Variants in SCFD2 observed in about 807,000 individuals in gnomAD.
SCFD2 encodes the protein sec1 family domain containing 2.
A neutral mutation model predicts 58.9 loss-of-function variants in SCFD2; 54 were observed. That is an observed-to-expected ratio of 0.92 (90% CI 0.74 to 1.15). The LOEUF is 1.15. Ranked by LOEUF, SCFD2 falls within the 50% of genes most tolerant of loss-of-function variation. The pLI is 0.00. For synonymous variants in SCFD2, 321 were observed against 335.9 expected (o/e 0.96, Z 0.49); for missense variants, 805 against 836.6 (o/e 0.96, Z 0.47).
chr4:52,949,002 A>T (rs1330471565), intron 5 of SCFD2: 1 of 154,178 alleles, frequency 6.5e-6, no homozygotes, highest in Non-Finnish European at 1.4e-5. Context: ...GAGGAGAAGC[A>T]TAGGACAGGC....
chr4:53,127,390 T>A (rs1361041452), intron 5 of SCFD2, among the ~76,000 whole-genome samples: 1 of 152,200 alleles, frequency 6.6e-6, no homozygotes, highest in Non-Finnish European at 1.5e-5. Flanking sequence ...AAATATTTAT[T>A]AAGAGTCTTC....
intron 5 of SCFD2, among the ~76,000 whole-genome samples, chr4:53,134,602 G>A (rs145967084): frequency 3.3e-5 from 5 of 152,216 alleles, no homozygotes; most frequent in African/African-American, 9.6e-5. Flanking sequence ...ATTCCAATTC[G>A]AGTAACAGGA....
At chr4:53,225,616 T>C (rs1311833378) in intron 4 of SCFD2, among the ~76,000 whole-genome samples, 1 of 152,254 alleles carries the variant, frequency 6.6e-6, no homozygotes, top group Non-Finnish European at 1.5e-5. Flanking sequence ...TTGTGTTTTC[T>C]ATGTTATTGC....
chr4:52,877,861 G>C (rs1348699805), intron 8 of SCFD2, among the ~76,000 whole-genome samples: 1 of 152,152 alleles, frequency 6.6e-6, no homozygotes, highest in African/African-American at 2.4e-5. Context: ...CTCCCGGAGA[G>C]CATCACAGGA....
chr4:53,344,828 T>C (rs1184630950), intron 2 of SCFD2, among the ~76,000 whole-genome samples: 1 of 152,160 alleles, frequency 6.6e-6, no homozygotes, highest in African/African-American at 2.4e-5. Context: ...TTGACAAACC[T>C]GAGAAAACAA....
chr4:52,998,209 T>C (rs1721786585), intron 5 of SCFD2, among the ~76,000 whole-genome samples: 1 of 151,936 alleles, frequency 6.6e-6, no homozygotes, highest in South Asian at 2.1e-4. Flanking sequence ...ACTGAAGGGG[T>C]AAAATCTTAG....
chr4:53,158,494 A>G (rs1286748728), intron 4 of SCFD2, among the ~76,000 whole-genome samples: 1 of 152,176 alleles, frequency 6.6e-6, no homozygotes, highest in Non-Finnish European at 1.5e-5. Flanking sequence ...CCAGTTGACC[A>G]AGTCAGAAGC....
At chr4:53,320,736 G>T (rs932135766) in intron 2 of SCFD2, among the ~76,000 whole-genome samples, 1 of 152,200 alleles carries the variant, frequency 6.6e-6, no homozygotes. Context: ...ATCCCATGCT[G>T]CTATTTCTTT....
At chr4:53,297,169 C>T (rs1732067459) in intron 3 of SCFD2, among the ~76,000 whole-genome samples, 2 of 152,142 alleles carry the variant, frequency 1.3e-5, no homozygotes, top group East Asian at 3.8e-4. Context: ...TGGTCTAGAG[C>T]TGAGTCCATC....
At chr4:53,083,306 G>C (rs773017662) in intron 5 of SCFD2, among the ~76,000 whole-genome samples, 2 of 151,970 alleles carry the variant, frequency 1.3e-5, no homozygotes, top group African/African-American at 2.4e-5. Context: ...GGATGGTAAG[G>C]GCCATTCTTA....
At chr4:52,897,574 G>A (rs1719056441) in intron 7 of SCFD2, among the ~76,000 whole-genome samples, 1 of 152,096 alleles carries the variant, frequency 6.6e-6, no homozygotes, top group South Asian at 2.1e-4. Flanking sequence ...TTTTATTGAG[G>A]ATTTTTGCAT....
intron 5 of SCFD2, among the ~76,000 whole-genome samples, chr4:53,002,826 C>A (rs1415091295): frequency 6.6e-6 from 1 of 152,116 alleles, no homozygotes; most frequent in Non-Finnish European, 1.5e-5. Flanking sequence ...GCTCATGGTT[C>A]CACAGGCTGT....
Position 53,269,731 on chromosome 4 carries a change from A to G in SCFD2, c.1311+4095T>C, listed in dbSNP as rs373935071. On this transcript the variant is annotated intron_variant, in intron 4 of 8. Coordinates refer to ENST00000401642, the MANE Select transcript of SCFD2 (RefSeq NM_152540.4). ...GAAAACCAGACCATGGCAGAACAAT[A>G]AAGAAAAAATACAGGCCCGGTGCAG... Among the ~76,000 whole-genome samples, 10 of 152,324 alleles carry G rather than the reference A, an allele frequency of 6.6e-5. No homozygotes were observed. In the East Asian group the frequency reaches 1.2e-3, roughly 18 times the overall value.
At chr4:53,231,677 G>A (rs1729444897) in intron 4 of SCFD2, among the ~76,000 whole-genome samples, 1 of 151,948 alleles carries the variant, frequency 6.6e-6, no homozygotes, top group Admixed American at 6.6e-5. Flanking sequence ...TGTATGCCTT[G>A]GTTGATAAAT....
chr4:53,064,907 G>T (rs1167410646), intron 5 of SCFD2, among the ~76,000 whole-genome samples: 3 of 152,076 alleles, frequency 2.0e-5, no homozygotes, highest in African/African-American at 7.2e-5. Context: ...CATGTAGAAA[G>T]TACTCAATCA....
chr4:53,298,234 G>A lies in SCFD2; in HGVS notation c.1135+15402C>T, dbSNP rs139183009. ...TGACAGACGGCACCTGGAAAATCAG[G>A]TCACTCCCACCCTAATACTGTGCTT... On this transcript the variant is annotated intron_variant, in intron 3 of 8. Coordinates refer to ENST00000401642, the MANE Select transcript of SCFD2 (RefSeq NM_152540.4). Among the ~76,000 whole-genome samples, 1,414 of 152,254 alleles carry A rather than the reference G, an allele frequency of 9.3e-3. 26 individuals carry two copies. Among genetic ancestry groups the A allele is most frequent in the African/African-American group, 0.032 (1,339 of 41,538 alleles).
At chr4:53,115,154 T>C (rs1443301992) in intron 5 of SCFD2, among the ~76,000 whole-genome samples, 2 of 152,076 alleles carry the variant, frequency 1.3e-5, no homozygotes, top group Non-Finnish European at 2.9e-5. Flanking sequence ...TTACAATAAA[T>C]GTAAGTGGTC....
At chr4:52,930,556 G>A (rs1471714645) in intron 5 of SCFD2, among the ~76,000 whole-genome samples, 3 of 152,146 alleles carry the variant, frequency 2.0e-5, no homozygotes, top group Non-Finnish European at 4.4e-5. Context: ...AGATCATCAC[G>A]AAAACAACGA....
In SCFD2 at chr4:53,213,866, T is replaced by C. The variant is rs758995167; in HGVS notation, c.1311+59960A>G. On this transcript the variant is annotated intron_variant, in intron 4 of 8. Transcript: ENST00000401642. The stretch of plus-strand genomic sequence containing the variant: ...TTCCGCTTCCTGTGTCCATGTATTC[T>C]CATTGTTCAATTCCCACCTATGAGT... Among the ~76,000 whole-genome samples the C allele has an allele frequency of 4.6e-5, 7 of 152,222 alleles. No individual in the cohort carries two copies. The South Asian group carries it at 1.5e-3, about 32-fold the overall frequency.
Sources: allele counts gnomAD v4.1 joint callset (sites outside exome capture counted in the v4.1 genomes callset), GRCh38; gene constraint gnomAD v4.1.1; transcripts MANE v1.5; gene names NCBI Gene and HGNC (gene_info 2026-07-23, HGNC 2026-07-21).